Variants in ANKFN1 observed in about 807,000 individuals in gnomAD.
ANKFN1 encodes ankyrin repeat and fibronectin type III domain containing 1.
In ANKFN1, 74 loss-of-function variants were observed where a neutral mutation model predicts 108.7. That is an observed-to-expected ratio of 0.68 (90% CI 0.56 to 0.83). The LOEUF (loss-of-function observed/expected upper bound fraction) is 0.83. Ranked by LOEUF, ANKFN1 falls within the 40% of genes least tolerant of loss-of-function variation. The pLI, the probability that ANKFN1 is intolerant of heterozygous loss-of-function variation, is 0.00. For missense variants in ANKFN1, 1,505 were observed against 1,382.3 expected (o/e 1.09, Z -1.41); for synonymous variants, 547 against 516.2 (o/e 1.06, Z -0.81).
intron 8 of ANKFN1, among the ~76,000 whole-genome samples, chr17:56,401,325 AGTATT>A (rs1176791583): frequency 0.015 from 2,180 of 143,492 alleles, 56 homozygotes; most frequent in African/African-American, 0.049. Flanking sequence ...TACATTCCGA[AGTATT>A]GTATTGTATT....
intron 8 of ANKFN1, among the ~76,000 whole-genome samples, chr17:56,385,206 A>G (rs948391932): frequency 1.3e-5 from 2 of 152,184 alleles, no homozygotes; most frequent in African/African-American, 4.8e-5. Flanking sequence ...CCTGAGAAAA[A>G]CAAGCAATGG....
In ANKFN1 at chr17:56,378,574, C is replaced by G. The variant is rs145119115; in HGVS notation, c.910+3860C>G. Among the ~76,000 whole-genome samples, 372 of 152,232 alleles carry G rather than the reference C, an allele frequency of 2.4e-3. 3 individuals carry two copies. Among genetic ancestry groups the G allele is most frequent in the African/African-American group, 8.7e-3 (362 of 41,534 alleles). On this transcript the variant is annotated intron_variant, in intron 8 of 20. Coordinates refer to ENST00000682825, the MANE Select transcript of ANKFN1 (RefSeq NM_001370326.1). ...TAATCTGGTCATAGGTATGAGGTAG[C>G]TACCTTCATTACTAGGTTGAAGTGA...
intron 8 of ANKFN1, among the ~76,000 whole-genome samples, chr17:56,382,542 T>A (rs1052708224): frequency 5.3e-5 from 8 of 152,138 alleles, no homozygotes; most frequent in African/African-American, 1.9e-4. Flanking sequence ...GGCAAATGGA[T>A]AAAGAGTCAA....
intron 8 of ANKFN1, among the ~76,000 whole-genome samples, chr17:56,430,134 G>A (rs1017722742): frequency 7.9e-5 from 12 of 152,002 alleles, no homozygotes; most frequent in African/African-American, 2.2e-4. Context: ...ATATTAAACC[G>A]TAAGCTCCTT....
At chr17:56,391,443 C>G (rs1346396029) in intron 8 of ANKFN1, among the ~76,000 whole-genome samples, 1 of 149,302 alleles carries the variant, frequency 6.7e-6, no homozygotes, top group African/African-American at 2.5e-5. Context: ...CACAGTCTCA[C>G]TGGGTGACAG....
intron 4 of ANKFN1, among the ~76,000 whole-genome samples, chr17:56,049,372 A>G (rs1426804998): frequency 6.7e-6 from 1 of 148,852 alleles, no homozygotes; most frequent in Non-Finnish European, 1.5e-5. Context: ...TTCCTACCAT[A>G]TAGAAGCGGG....
At chr17:56,269,845 C>G (rs2043747782) in intron 3 of ANKFN1, among the ~76,000 whole-genome samples, 1 of 152,104 alleles carries the variant, frequency 6.6e-6, no homozygotes, top group Non-Finnish European at 1.5e-5. Flanking sequence ...CTGTGAAGTT[C>G]TCATTCAGGT....
At chr17:56,178,664 T>C (rs1175962994) in intron 1 of ANKFN1, among the ~76,000 whole-genome samples, 1 of 152,102 alleles carries the variant, frequency 6.6e-6, no homozygotes, top group Non-Finnish European at 1.5e-5. Flanking sequence ...ATTTTTAACC[T>C]CAGGGTGGGC....
chr17:56,467,389 A>G (rs1332076163), intron 15 of ANKFN1, among the ~76,000 whole-genome samples: 1 of 152,052 alleles, frequency 6.6e-6, no homozygotes, highest in Non-Finnish European at 1.5e-5. Flanking sequence ...TAGGAATGAA[A>G]TAACTAGAGG....
intron 3 of ANKFN1, among the ~76,000 whole-genome samples, chr17:56,307,839 C>A (rs141055517): frequency 0.073 from 11,045 of 152,116 alleles, 712 homozygotes; most frequent in African/African-American, 0.17. Flanking sequence ...AAATGTCCAA[C>A]AATGATAGAC....
At chr17:56,117,702 T>G (rs1370345843) in intron 4 of ANKFN1, among the ~76,000 whole-genome samples, 1 of 152,104 alleles carries the variant, frequency 6.6e-6, no homozygotes, top group African/African-American at 2.4e-5. Context: ...GACTCTTCCG[T>G]TTTCTTGTTC....
intron 19 of ANKFN1, among the ~76,000 whole-genome samples, chr17:56,498,077 A>G (rs1233452219): frequency 1.3e-5 from 2 of 152,164 alleles, no homozygotes; most frequent in Admixed American, 1.3e-4. Context: ...TGAAAATATC[A>G]TTAAAATGAC....
chr17:56,149,705 G>C (rs1908480614), upstream of ANKFN1, among the ~76,000 whole-genome samples: 1 of 152,226 alleles, frequency 6.6e-6, no homozygotes, highest in Non-Finnish European at 1.5e-5. Flanking sequence ...CTGGCTAAGA[G>C]CTGGGAGAAG....
At chr17:56,222,165 T>G (rs996028848) in intron 2 of ANKFN1, among the ~76,000 whole-genome samples, 4 of 152,192 alleles carry the variant, frequency 2.6e-5, no homozygotes, top group African/African-American at 9.7e-5. Flanking sequence ...ACTCTTTTTG[T>G]GTAACACGAA....
At chr17:56,055,881 A>G (rs2143092107) in intron 4 of ANKFN1, among the ~76,000 whole-genome samples, 2 of 151,876 alleles carry the variant, frequency 1.3e-5, no homozygotes, top group East Asian at 3.9e-4. Flanking sequence ...ATCCACATCA[A>G]CATCTGTAGC....
At chr17:56,321,468 A>G (rs2045365408) in intron 3 of ANKFN1, among the ~76,000 whole-genome samples, 1 of 152,012 alleles carries the variant, frequency 6.6e-6, no homozygotes, top group Middle Eastern at 3.2e-3. Context: ...TAAGAAAAAA[A>G]AAAAAAAATC....
intron 4 of ANKFN1, among the ~76,000 whole-genome samples, chr17:56,337,295 ATCTG>A (rs1183665777): frequency 6.6e-6 from 1 of 152,116 alleles, no homozygotes; most frequent in Non-Finnish European, 1.5e-5. Flanking sequence ...TGTCTCGTCG[ATCTG>A]TCTAATATTG....
intron 4 of ANKFN1, among the ~76,000 whole-genome samples, chr17:56,076,148 T>C (rs1905178389): frequency 6.6e-6 from 1 of 152,224 alleles, no homozygotes; most frequent in Non-Finnish European, 1.5e-5. Flanking sequence ...AGCACTTTTC[T>C]GTAATATGGA....
chr17:56,218,934 A>G (rs546333357), intron 2 of ANKFN1, among the ~76,000 whole-genome samples: 1 of 152,290 alleles, frequency 6.6e-6, no homozygotes, highest in Admixed American at 6.5e-5. Context: ...CATCTGATTT[A>G]GGAAGAACTT....
Sources: allele counts gnomAD v4.1 joint callset (sites outside exome capture counted in the v4.1 genomes callset), GRCh38; gene constraint gnomAD v4.1.1; transcripts MANE v1.5; gene names NCBI Gene and HGNC (gene_info 2026-07-23, HGNC 2026-07-21).